RGS6: variants seen among roughly 807,000 people sequenced by gnomAD.
RGS6 encodes regulator of G-protein signaling 6.
In RGS6, 30 loss-of-function variants were observed where a neutral mutation model predicts 78.5. The ratio of observed to expected loss-of-function variants is 0.38; its 90% confidence interval spans 0.29 to 0.52. RGS6 has a LOEUF of 0.52. Among genes scored for constraint, RGS6 ranks in the 20% least tolerant of loss-of-function variants. The probability of loss-of-function intolerance (pLI) is 0.85; values close to 1 mark genes in which losing one functional copy is unlikely to be tolerated. For synonymous variants in RGS6, 206 were observed against 206.0 expected, an observed-to-expected ratio of 1.00 and a Z score of 0.00; for missense variants, 495 against 609.7, an observed-to-expected ratio of 0.81 and a Z score of 1.98.
intron 2 of RGS6, among the ~76,000 whole-genome samples, chr14:72,259,508 T>C (rs915220430): frequency 2.0e-5 from 3 of 152,158 alleles, no homozygotes; most frequent in Admixed American, 6.5e-5. Flanking sequence ...TTGATTGATA[T>C]GGGAAAATGC....
At position 72,044,301 on chromosome 14, in the gene RGS6, G is replaced by C. The variant is rs2092665904; in HGVS notation, c.84+79426G>C. 1.3e-5 allele frequency among the ~76,000 whole-genome samples: 2 copies of C among 152,166 alleles called. 1 individual carries two copies. Among genetic ancestry groups the C allele is most frequent in the Middle Eastern group, 6.3e-3 (2 of 316 alleles). ...AAGGGATACCCAGATAGCTAGAAAA[G>C]CATTATTTTTGGGTATGTCTATGAG... On this transcript the variant is annotated intron_variant, in intron 2 of 17. Transcript: ENST00000553525.
At chr14:72,058,246 TGA>T (rs2093717077) in intron 2 of RGS6, among the ~76,000 whole-genome samples, 1 of 152,134 alleles carries the variant, frequency 6.6e-6, no homozygotes, top group Non-Finnish European at 1.5e-5. Flanking sequence ...ATCTTTAAGT[TGA>T]TGCAATATAA....
Position 72,471,709 on chromosome 14 carries a change from C to G in RGS6, c.537-1163C>G, listed in dbSNP as rs186030802. On this transcript the variant is annotated intron_variant, in intron 8 of 17. Coordinates refer to ENST00000553525, the MANE Select transcript of RGS6 (RefSeq NM_001204424.2). ...TTTCTCCTGTCCATGATGCCAGCCA[C>G]CTCCTGACCACCCAGCAGCCCCCCG... is the stretch of plus-strand genomic sequence containing the variant. 2.8e-4 allele frequency among the ~76,000 whole-genome samples: 42 copies of G among 152,344 alleles called. No individual in the cohort carries two copies. The East Asian group carries it at 7.7e-3, about 28-fold the overall frequency.
At position 72,478,166 on chromosome 14, in the gene RGS6, G is replaced by A. The variant is rs944245591; in HGVS notation, c.793-102G>A. ...GAGTTGGAGATGTCTGGCCAGAGGA[G>A]GTATTTGGATCTTGGTGGAAATGCA... On this transcript the variant is annotated intron_variant, in intron 11 of 17. Coordinates refer to ENST00000553525, the MANE Select transcript of RGS6 (RefSeq NM_001204424.2). 1.4e-5 allele frequency: 11 copies of A among 778,162 alleles called. No homozygotes were observed. The African/African-American group carries it at 1.5e-4, about 11-fold the overall frequency. 48.2% of individuals were successfully genotyped at this position (778,162 alleles called of 1,614,324 possible).
At chr14:72,462,353 G>C (rs970028974) in intron 6 of RGS6, among the ~76,000 whole-genome samples, 61 of 152,260 alleles carry the variant, frequency 4.0e-4, no homozygotes, top group African/African-American at 1.4e-3. Flanking sequence ...GTCAAGTAGA[G>C]ACATTTAGAA....
At chr14:71,889,375 A>C in the RGS6 span, among the ~76,000 whole-genome samples, 1 of 152,194 alleles carries the variant, frequency 6.6e-6, no homozygotes. Flanking sequence ...ATGTAGCTAT[A>C]AGGATCTTAA....
chr14:72,130,566 A>G (rs898717794), intron 2 of RGS6, among the ~76,000 whole-genome samples: 2 of 152,208 alleles, frequency 1.3e-5, no homozygotes, highest in Non-Finnish European at 2.9e-5. Context: ...CCTGTCACTC[A>G]GGAATTTCAA....
chr14:71,964,030 G>GT (rs36072896), intron 1 of RGS6, among the ~76,000 whole-genome samples: 33,701 of 147,422 alleles, frequency 0.23, 4,028 homozygotes, highest in South Asian at 0.29. Flanking sequence ...CTTACTTGAG[G>GT]TTTTTTTTTT....
intron 2 of RGS6, among the ~76,000 whole-genome samples, chr14:72,173,843 C>T (rs1355338023): frequency 1.3e-5 from 2 of 152,082 alleles, no homozygotes. Flanking sequence ...TTATTTTGTA[C>T]CCTCTTGATA....
At chr14:71,928,909 T>C (rs1176837696), upstream of RGS6, among the ~76,000 whole-genome samples, 1 of 152,212 alleles carries the variant, frequency 6.6e-6, no homozygotes, top group Non-Finnish European at 1.5e-5. Context: ...AAACCCATGG[T>C]GATCATTTTA....
rs572484549 is a variant in RGS6 at position 71,955,280 on chromosome 14, A to T, written c.-20-9492A>T. Among the ~76,000 whole-genome samples the T allele has an allele frequency of 7.1e-4, 108 of 152,310 alleles. 1 individual carries two copies. The highest frequency in any genetic ancestry group is 2.4e-3 in the African/African-American group (100 of 41,564). ...GGGCATATGTGAGCAGTAATGTTCT[A>T]TTAACCATCTAATTAAGAGCAAGGA... On this transcript the variant is annotated intron_variant, in intron 1 of 17. Transcript: ENST00000553525.
chr14:71,975,475 T>C (rs1044147263), intron 2 of RGS6, among the ~76,000 whole-genome samples: 1 of 152,124 alleles, frequency 6.6e-6, no homozygotes, highest in African/African-American at 2.4e-5. Context: ...TTCTTTTTTT[T>C]TTTGATGGAG....
intron 2 of RGS6, among the ~76,000 whole-genome samples, chr14:72,220,479 G>A (rs1200420437): frequency 6.6e-6 from 1 of 152,210 alleles, no homozygotes; most frequent in African/African-American, 2.4e-5. Context: ...CCTGGGGTTA[G>A]CTATTTAACA....
chr14:72,490,842 T>C (rs1014288624), intron 12 of RGS6, among the ~76,000 whole-genome samples: 3 of 152,228 alleles, frequency 2.0e-5, no homozygotes, highest in Non-Finnish European at 4.4e-5. Flanking sequence ...TCTTGTGTCC[T>C]GAATGTTTCA....
intron 2 of RGS6, among the ~76,000 whole-genome samples, chr14:72,175,466 A>G (rs1295567640): frequency 6.6e-6 from 1 of 152,200 alleles, no homozygotes; most frequent in Non-Finnish European, 1.5e-5. Context: ...CATGCATTCA[A>G]CAAATCTTAA....
chr14:72,469,501 T>C (rs2096017012), intron 7 of RGS6: 1 of 152,880 alleles, frequency 6.5e-6, no homozygotes, highest in South Asian at 2.1e-4. Context: ...GTCACCACAC[T>C]CAGCCTCGGC....
At chr14:72,489,160 C>CCCG (rs1555431753) in intron 12 of RGS6, among the ~76,000 whole-genome samples, 6 of 149,556 alleles carry the variant, frequency 4.0e-5, no homozygotes, top group African/African-American at 9.8e-5. Context: ...AAGGGGGCCC[C>CCCG]CCCACCGGCT....
At chr14:72,090,071 C>A (rs1033972671) in intron 2 of RGS6, among the ~76,000 whole-genome samples, 2 of 149,548 alleles carry the variant, frequency 1.3e-5, no homozygotes, top group African/African-American at 5.0e-5. Flanking sequence ...CGAGATCATG[C>A]CACTGCACTC....
At chr14:72,580,307 T>TC in the RGS6 span, among the ~76,000 whole-genome samples, 2,495 of 126,702 alleles carry the variant, frequency 0.02, 126 homozygotes, top group African/African-American at 0.059. Flanking sequence ...AGCAAAAATG[T>TC]CCCCCCCACC....
Sources: gnomAD v4.1 joint callset for allele counts (sites outside exome capture counted in the v4.1 genomes callset) on GRCh38, gnomAD v4.1.1 for gene constraint, MANE v1.5 for transcripts, NCBI Gene and HGNC (gene_info 2026-07-23, HGNC 2026-07-21) for gene names.